Variants in PCDHA3 observed in about 807,000 individuals in gnomAD.
PCDHA3 encodes protocadherin alpha-3.
PCDHA3 carries 41 observed loss-of-function variants against 62.2 expected under a neutral mutation model. That is an observed-to-expected ratio of 0.66 (90% CI 0.51 to 0.86). The LOEUF is 0.86. PCDHA3 is among the 40% of genes least tolerant of loss of function. The pLI is 0.00. For synonymous variants in PCDHA3, 640 were observed against 555.4 expected (o/e 1.15, Z -2.14); for missense variants, 1,304 against 1,241.2 (o/e 1.05, Z -0.76).
chr5:140,965,708 A>T (rs2095927788), intron 1 of PCDHA3, among the ~76,000 whole-genome samples: 1 of 152,244 alleles, frequency 6.6e-6, no homozygotes, highest in African/African-American at 2.4e-5. Context: ...AGCTTGAGAG[A>T]AGAATCTCTT....
At chr5:140,920,718 C>A (rs183020461) in intron 1 of PCDHA3, among the ~76,000 whole-genome samples, 3 of 152,168 alleles carry the variant, frequency 2.0e-5, no homozygotes, top group East Asian at 3.9e-4. Context: ...GTGGTGTGCG[C>A]CTGCAGTCCC....
chr5:140,882,769 A>C, intron 1 of PCDHA3: 1 of 1,614,242 alleles, frequency 6.2e-7, no homozygotes, highest in Admixed American at 1.7e-5. Context: ...TAAACTCGGC[A>C]TTGACCTACC....
chr5:140,938,176 G>A (rs1554212021), intron 1 of PCDHA3, among the ~76,000 whole-genome samples: 1 of 152,088 alleles, frequency 6.6e-6, no homozygotes, highest in Non-Finnish European at 1.5e-5. Flanking sequence ...GAGCTCCTGG[G>A]CTCAAGCAAT....
intron 1 of PCDHA3, chr5:140,804,586 T>C (rs1554123102): frequency 1.3e-5 from 2 of 152,382 alleles, no homozygotes; most frequent in African/African-American, 4.8e-5. Context: ...GAAATAAGTT[T>C]GATAAGCCAA....
At chr5:140,869,650 C>G in intron 1 of PCDHA3, 1 of 1,613,504 alleles carries the variant, frequency 6.2e-7, no homozygotes, top group Non-Finnish European at 8.5e-7. Context: ...TTTAGATTCA[C>G]CAACAAATGG....
chr5:140,930,055 A>G (rs1249446079), intron 1 of PCDHA3: 2 of 152,206 alleles, frequency 1.3e-5, no homozygotes, highest in Admixed American at 6.5e-5. Context: ...GTTTTTGCTT[A>G]CACAAAAACT....
intron 1 of PCDHA3, among the ~76,000 whole-genome samples, chr5:140,913,052 A>G (rs1554195709): frequency 6.6e-6 from 1 of 151,874 alleles, no homozygotes; most frequent in African/African-American, 2.4e-5. Context: ...CTGGAGTTTT[A>G]TTTTATTTTG....
rs545282445 is a variant in PCDHA3 at position 140,862,074 on chromosome 5, A to G, written c.2394+58483A>G. On this transcript the variant is annotated intron_variant, in intron 1 of 3. Transcript: ENST00000522353. The stretch of plus-strand genomic sequence containing the variant: ...TTTCTTTGCAACTGATGTCTCCCCT[A>G]ACATAGAAGCCCTTTTTCGCATAGA... 8.3e-5 allele frequency: 13 copies of G among 157,080 alleles called. No homozygotes were observed. The South Asian group carries it at 2.1e-3, about 26-fold the overall frequency. 9.7% of individuals were successfully genotyped at this position (157,080 alleles called of 1,614,324 possible).
At chr5:140,986,524 G>GAACT (rs1403082336) in intron 3 of PCDHA3, among the ~76,000 whole-genome samples, 2 of 152,198 alleles carry the variant, frequency 1.3e-5, no homozygotes, top group Non-Finnish European at 2.9e-5. Flanking sequence ...GCCTGTGAGG[G>GAACT]AACTGGCCTG....
chr5:140,836,831 A>G lies in PCDHA3; in HGVS notation c.2394+33240A>G, dbSNP rs927373808. 3.2e-6 allele frequency: 3 copies of G among 927,304 alleles called. No individual in the cohort carries two copies. In the African/African-American group the frequency reaches 5.0e-5, roughly 16 times the overall value. The allele number at this position is 927,304 out of a possible 1,614,324, so 57.4% of individuals were successfully genotyped here. ...TCTTTCATAATTTCTTTTTTAGTTG[A>G]TAGCTTTATGTATAATTATTATTTT... On this transcript the variant is annotated intron_variant, in intron 1 of 3. Coordinates refer to ENST00000522353, the MANE Select transcript of PCDHA3 (RefSeq NM_018906.3).
At chr5:140,858,112 G>A (rs943720366) in intron 1 of PCDHA3, 27 of 1,597,680 alleles carry the variant, frequency 1.7e-5, no homozygotes, top group Non-Finnish European at 2.3e-5. Context: ...TGGCGCCCGA[G>A]GTGGCCCTGG....
In PCDHA3 at chr5:140,836,419, C is replaced by G. The variant is rs137976668; in HGVS notation, c.2394+32828C>G. 2.4e-4 allele frequency: 381 copies of G among 1,613,666 alleles called. 4 individuals are homozygous for G. The highest frequency in any genetic ancestry group is 2.7e-4 in the Non-Finnish European group (316 of 1,179,858). ...GAAAGCGGCCAGGCACCAAAGGCGTCGTCGCGGGCATCGTTGGGCATTGCA... is the reference window on the plus strand; with the variant it reads ...GAAAGCGGCCAGGCACCAAAGGCGTGGTCGCGGGCATCGTTGGGCATTGCA... On this transcript the variant is annotated intron_variant, in intron 1 of 3. Transcript: ENST00000522353.
intron 1 of PCDHA3, chr5:140,871,241 C>T (rs782602807): frequency 2.5e-6 from 4 of 1,613,972 alleles, no homozygotes; most frequent in Admixed American, 1.7e-5. Flanking sequence ...CTGGTACTCA[C>T]GCTGCTGCTG....
chr5:140,941,245 TTCTTTCTTTCTC>T (rs2092955664), intron 1 of PCDHA3, among the ~76,000 whole-genome samples: 1 of 140,868 alleles, frequency 7.1e-6, no homozygotes, highest in African/African-American at 2.6e-5. Flanking sequence ...CTTTCTTTCT[TTCTTTCTTTCTC>T]TTTCTTTCTT....
rs1006692100 is a variant in PCDHA3 at position 140,968,013 on chromosome 5, G to A, written c.2395-10936G>A. Reference sequence around the variant, plus strand: ...CTGCCTTTCCGACTGAATGGCTTTGGAAACTCCTATACACTGGTGGTGAGC... The same window carrying A: ...CTGCCTTTCCGACTGAATGGCTTTGAAAACTCCTATACACTGGTGGTGAGC... On this transcript the variant is annotated intron_variant, in intron 1 of 3. Coordinates refer to ENST00000522353, the MANE Select transcript of PCDHA3 (RefSeq NM_018906.3). 2.5e-6 allele frequency: 4 copies of A among 1,614,066 alleles called. No individual in the cohort carries two copies. The African/African-American group carries it at 4.0e-5, about 16-fold the overall frequency.
chr5:140,808,844 G>T, intron 1 of PCDHA3: 1 of 1,613,174 alleles, frequency 6.2e-7, no homozygotes, highest in African/African-American at 1.3e-5. Flanking sequence ...GACGCTGCAG[G>T]TGTTCGTGCT....
At chr5:140,906,719 T>C (rs1282384270) in intron 1 of PCDHA3, among the ~76,000 whole-genome samples, 1 of 152,218 alleles carries the variant, frequency 6.6e-6, no homozygotes, top group East Asian at 1.9e-4. Flanking sequence ...GCCTGGATTG[T>C]GCTGTTGTAG....
At chr5:140,999,173 T>G (rs892201477) in intron 3 of PCDHA3, among the ~76,000 whole-genome samples, 20 of 152,158 alleles carry the variant, frequency 1.3e-4, no homozygotes, top group African/African-American at 4.3e-4. Context: ...GAAAAGAGCC[T>G]GATGGGGAGA....
Position 140,850,095 on chromosome 5 carries a change from C to G in PCDHA3, c.2394+46504C>G, listed in dbSNP as rs139719626. The G allele has an allele frequency of 2.5e-3, 3,966 of 1,596,304 alleles. 379 individuals carry two copies. Among genetic ancestry groups the G allele is most frequent in the Non-Finnish European group, 3.1e-3 (3,638 of 1,167,768 alleles). On this transcript the variant is annotated intron_variant, in intron 1 of 3. Transcript: ENST00000522353. Reference sequence around the variant, plus strand: ...CGAGGAGCTGGAGCTGCTACAGTTCCAGGTGAGCGCGCGCGACGCGGGCGT... The same window carrying G: ...CGAGGAGCTGGAGCTGCTACAGTTCGAGGTGAGCGCGCGCGACGCGGGCGT...
Sources: allele counts gnomAD v4.1 joint callset (sites outside exome capture counted in the v4.1 genomes callset), GRCh38; gene constraint gnomAD v4.1.1; transcripts MANE v1.5; gene names NCBI Gene and HGNC (gene_info 2026-07-23, HGNC 2026-07-21).